Variants in VEPH1 observed in about 807,000 individuals in gnomAD.
VEPH1 encodes ventricular zone-expressed PH domain-containing protein homolog 1.
VEPH1 carries 80 observed loss-of-function variants against 85.2 expected under a neutral mutation model. That is an observed-to-expected ratio of 0.94 (90% CI 0.78 to 1.13). The LOEUF (loss-of-function observed/expected upper bound fraction) is 1.13, where lower values mean the gene tolerates loss of function less well. Among genes scored for constraint, VEPH1 ranks in the 50% most tolerant of loss-of-function variants. The pLI, the probability that VEPH1 is intolerant of heterozygous loss-of-function variation, is 0.00. For missense variants in VEPH1, 955 were observed against 980.5 expected, an observed-to-expected ratio of 0.97 and a Z score of 0.35; for synonymous variants, 297 against 348.0, an observed-to-expected ratio of 0.85 and a Z score of 1.63.
At chr3:157,307,447 G>T (rs1719639799) in intron 11 of VEPH1, among the ~76,000 whole-genome samples, 1 of 151,858 alleles carries the variant, frequency 6.6e-6, no homozygotes, top group Non-Finnish European at 1.5e-5. Flanking sequence ...GTCTGTGAAG[G>T]ATCTACTTTT....
At position 157,428,353 on chromosome 3, in the gene VEPH1, A is replaced by C; in HGVS notation, c.665T>G (p.Leu222Trp). Residue 222 changes from leucine to tryptophan, a missense_variant, in exon 5 of 14, where the codon TTG becomes TGG. Physicochemically the swap from Leu to Trp is moderately conservative, Grantham distance 61 (BLOSUM62 -2). Coordinates refer to ENST00000362010, the MANE Select transcript of VEPH1 (RefSeq NM_001167912.2). ...QPEQYHLLRL[L>W]HVAAKKKQLE... ...TTGTTTTTTCTTTGCTGCTACATGC[A>C]AAAGCCGTAGTAGATGGTACTGTTC... 6.2e-7 allele frequency: 1 copy of C among 1,614,094 alleles called. No homozygotes were observed. Among genetic ancestry groups the C allele is most frequent in the South Asian group, 1.1e-5 (1 of 91,072 alleles).
chr3:157,436,911 A>G lies in VEPH1; in HGVS notation c.530-8423T>C, dbSNP rs75123224. ...AGAGTCTCCTCCCGCCAGCTGTGGA[A>G]AGAACTTTGCGTCTCTCCAGCAATG... On this transcript the variant is annotated intron_variant, in intron 4 of 13. Transcript: ENST00000362010. The G allele has an allele frequency of 5.5e-3, 8,883 of 1,609,900 alleles. 457 individuals carry two copies. The African/African-American group carries it at 0.11, about 19-fold the overall frequency.
chr3:157,466,180 C>T (rs1410702682), intron 3 of VEPH1, among the ~76,000 whole-genome samples: 3 of 151,236 alleles, frequency 2.0e-5, no homozygotes, highest in Non-Finnish European at 2.9e-5. Context: ...TGGGTGTATT[C>T]TTTTTTAGGA....
At chr3:157,475,907 G>A (rs373610838) in intron 2 of VEPH1, among the ~76,000 whole-genome samples, 48 of 152,362 alleles carry the variant, frequency 3.2e-4, no homozygotes, top group Admixed American at 3.1e-3. Context: ...AAAAAAGAAC[G>A]ATTGAGAAAC....
At chr3:157,269,633 GTTT>G (rs1402168956) in intron 12 of VEPH1, among the ~76,000 whole-genome samples, 45 of 87,062 alleles carry the variant, frequency 5.2e-4, no homozygotes, top group African/African-American at 1.5e-3. Flanking sequence ...TTTTGTTTTT[GTTT>G]TTGTTGTTTT....
chr3:157,286,122 GC>G (rs1716736785), intron 12 of VEPH1: 1 of 153,518 alleles, frequency 6.5e-6, no homozygotes, highest in Non-Finnish European at 1.5e-5. Flanking sequence ...CTATTTCAAT[GC>G]TTCACTTTTT....
At chr3:157,399,252 A>G (rs996839902) in intron 6 of VEPH1, among the ~76,000 whole-genome samples, 1 of 152,262 alleles carries the variant, frequency 6.6e-6, no homozygotes, top group African/African-American at 2.4e-5. Flanking sequence ...AACCAACTCA[A>G]TATAAGCAAA....
intron 7 of VEPH1, among the ~76,000 whole-genome samples, chr3:157,370,920 T>C (rs1164239248): frequency 1.3e-5 from 2 of 152,242 alleles, no homozygotes; most frequent in Admixed American, 6.5e-5. Context: ...CTAAGTTTTA[T>C]TTTTGTTATA....
intron 7 of VEPH1, among the ~76,000 whole-genome samples, chr3:157,372,290 G>T (rs1297263788): frequency 2.6e-5 from 4 of 152,178 alleles, no homozygotes; most frequent in African/African-American, 9.7e-5. Context: ...ACCCAGAAAT[G>T]GAGGATATAC....
chr3:157,353,745 C>T (rs1460896784), intron 9 of VEPH1, among the ~76,000 whole-genome samples: 2 of 151,996 alleles, frequency 1.3e-5, no homozygotes, highest in African/African-American at 4.8e-5. Flanking sequence ...TTTGTAACAT[C>T]CTACATATTT....
chr3:157,373,746 G>A (rs184322448), intron 7 of VEPH1, among the ~76,000 whole-genome samples: 81 of 152,332 alleles, frequency 5.3e-4, no homozygotes, highest in African/African-American at 1.6e-3. Context: ...GGAAGCCAGC[G>A]CATGGGTGCC....
chr3:157,448,734 T>C (rs1198702667), intron 4 of VEPH1, among the ~76,000 whole-genome samples: 2 of 152,196 alleles, frequency 1.3e-5, no homozygotes, highest in Non-Finnish European at 2.9e-5. Flanking sequence ...GGTTCTGATG[T>C]TACAAAACAT....
At chr3:157,419,950 A>G (rs1198867982) in intron 5 of VEPH1, among the ~76,000 whole-genome samples, 1 of 152,208 alleles carries the variant, frequency 6.6e-6, no homozygotes, top group African/African-American at 2.4e-5. Flanking sequence ...AGACTGGATA[A>G]AGAAAATATG....
At chr3:157,342,797 T>A (rs1257793800) in intron 9 of VEPH1, among the ~76,000 whole-genome samples, 2 of 152,080 alleles carry the variant, frequency 1.3e-5, no homozygotes, top group Non-Finnish European at 2.9e-5. Flanking sequence ...CCTCAGCAAA[T>A]GTAAAAGAAC....
chr3:157,302,078 C>A (rs1012500749), intron 11 of VEPH1, among the ~76,000 whole-genome samples: 1 of 148,732 alleles, frequency 6.7e-6, no homozygotes, highest in Non-Finnish European at 1.5e-5. Flanking sequence ...ATGCCAGAAA[C>A]TTGACATCAG....
chr3:157,267,625 A>T (rs1713918261), intron 12 of VEPH1, among the ~76,000 whole-genome samples: 1 of 151,872 alleles, frequency 6.6e-6, no homozygotes, highest in Non-Finnish European at 1.5e-5. Context: ...TCTCTACCAA[A>T]AATACAAAAA....
intron 6 of VEPH1, among the ~76,000 whole-genome samples, chr3:157,386,250 C>CA (rs71302265): frequency 0.061 from 2,362 of 38,576 alleles, 78 homozygotes; most frequent in African/African-American, 0.085. Context: ...AATGGTTCCA[C>CA]AAAAAAAAAA....
chr3:157,267,102 C>CTTTTTTTTTTTTTTTTTTTTT (rs10537483), intron 12 of VEPH1, among the ~76,000 whole-genome samples: 15 of 124,684 alleles, frequency 1.2e-4, no homozygotes, highest in Non-Finnish European at 1.8e-4. Context: ...TCTTTTTTTT[C>CTTTTTTTTTTTTTTTTTTTTT]TTTTTTTTTT....
chr3:157,414,132 A>G lies in VEPH1; in HGVS notation c.697-42T>C, dbSNP rs747842165. The G allele has an allele frequency of 1.3e-5, 19 of 1,460,750 alleles. No individual in the cohort carries two copies. In the South Asian group the frequency reaches 1.5e-4, roughly 12 times the overall value. The allele number at this position is 1,460,750 out of a possible 1,614,324, so 90.5% of individuals were successfully genotyped here. On this transcript the variant is annotated intron_variant, in intron 5 of 13. Coordinates refer to ENST00000362010, the MANE Select transcript of VEPH1 (RefSeq NM_001167912.2). The stretch of plus-strand genomic sequence containing the variant: ...GAGGAGGAGGGAAGAAAGAAGGAAG[A>G]AAGAGAAAAGTTAATTAAATTGGAA...
Sources: allele counts gnomAD v4.1 joint callset (sites outside exome capture counted in the v4.1 genomes callset), GRCh38; gene constraint gnomAD v4.1.1; transcripts MANE v1.5; gene names NCBI Gene and HGNC (gene_info 2026-07-23, HGNC 2026-07-21).